Variants in RABGAP1L observed in about 807,000 individuals in gnomAD.
RABGAP1L encodes the protein RAB GTPase activating protein 1 like, also known as rab GTPase-activating protein 1-like.
In RABGAP1L, 63 loss-of-function variants were observed where a neutral mutation model predicts 137.7. The ratio of observed to expected loss-of-function variants is 0.46; its 90% CI spans 0.37 to 0.56. The LOEUF (loss-of-function observed/expected upper bound fraction) is 0.56. Ranked by LOEUF, RABGAP1L falls within the 20% of genes least tolerant of loss-of-function variation. The probability of loss-of-function intolerance (pLI) is 0.00; values close to 1 mark genes in which losing one functional copy is unlikely to be tolerated. For missense variants in RABGAP1L, 1,095 were observed against 1,244.0 expected, an observed-to-expected ratio of 0.88 and a Z score of 1.80; for synonymous variants, 431 against 433.7, an observed-to-expected ratio of 0.99 and a Z score of 0.08.
intron 17 of RABGAP1L, among the ~76,000 whole-genome samples, chr1:174,743,486 C>T (rs1683616604): frequency 6.6e-6 from 1 of 152,130 alleles, no homozygotes; most frequent in East Asian, 1.9e-4. Context: ...AATTTGATTT[C>T]CTTATCTCAT....
intron 13 of RABGAP1L, among the ~76,000 whole-genome samples, chr1:174,496,660 A>G (rs192182060): frequency 2.8e-4 from 42 of 152,334 alleles, no homozygotes; most frequent in Non-Finnish European, 5.9e-5. Context: ...AAGGCAACCA[A>G]TTGCCTGACC....
chr1:174,301,050 T>G (rs997033836), intron 10 of RABGAP1L, among the ~76,000 whole-genome samples: 16 of 152,070 alleles, frequency 1.1e-4, no homozygotes, highest in Non-Finnish European at 1.8e-4. Flanking sequence ...GGCCTGCCAG[T>G]TCATGCCCGG....
chr1:174,586,597 A>G (rs938476387), intron 13 of RABGAP1L, among the ~76,000 whole-genome samples: 3 of 152,064 alleles, frequency 2.0e-5, no homozygotes, highest in Non-Finnish European at 4.4e-5. Context: ...ATATGTATGT[A>G]TGTATGTATT....
At chr1:174,554,041 C>T (rs967452450) in intron 13 of RABGAP1L, among the ~76,000 whole-genome samples, 1 of 152,090 alleles carries the variant, frequency 6.6e-6, no homozygotes, top group African/African-American at 2.4e-5. Flanking sequence ...AATATTCCTC[C>T]TCTTCAAGAT....
intron 1 of RABGAP1L, among the ~76,000 whole-genome samples, chr1:174,198,242 T>G (rs1667842574): frequency 6.6e-6 from 1 of 152,236 alleles, no homozygotes; most frequent in Non-Finnish European, 1.5e-5. Context: ...GCTGTAATGA[T>G]AAAAATGTCC....
chr1:174,413,690 A>G (rs1650206664), intron 13 of RABGAP1L, among the ~76,000 whole-genome samples: 1 of 151,674 alleles, frequency 6.6e-6, no homozygotes, highest in African/African-American at 2.4e-5. Flanking sequence ...TCTATGGGTG[A>G]GACTGCAGAG....
At chr1:174,310,985 T>G (rs1162822291) in intron 11 of RABGAP1L, among the ~76,000 whole-genome samples, 1 of 152,130 alleles carries the variant, frequency 6.6e-6, no homozygotes, top group Non-Finnish European at 1.5e-5. Flanking sequence ...TGTCAAATAC[T>G]AGGTCTTATT....
intron 13 of RABGAP1L, among the ~76,000 whole-genome samples, chr1:174,473,377 T>C (rs192369498): frequency 1.3e-5 from 2 of 152,268 alleles, no homozygotes; most frequent in Non-Finnish European, 2.9e-5. Context: ...AAAGAGATTT[T>C]TAAAGCATCT....
At chr1:174,369,545 A>T (rs28628056) in intron 11 of RABGAP1L, among the ~76,000 whole-genome samples, 53,563 of 152,098 alleles carry the variant, frequency 0.35, 12,091 homozygotes, top group African/African-American at 0.64. Context: ...ATAAAAAATT[A>T]TAAATGTTAT....
At chr1:174,669,628 T>C (rs1408119417) in intron 14 of RABGAP1L, among the ~76,000 whole-genome samples, 1 of 152,214 alleles carries the variant, frequency 6.6e-6, no homozygotes, top group African/African-American at 2.4e-5. Flanking sequence ...TCTTAACATC[T>C]TTAATCCATT....
intron 13 of RABGAP1L, among the ~76,000 whole-genome samples, chr1:174,628,179 T>C (rs1673061689): frequency 6.6e-6 from 1 of 152,164 alleles, no homozygotes. Context: ...TTGTTCACTG[T>C]TGCTTTTATG....
At chr1:174,610,904 T>G (rs1362027017) in intron 13 of RABGAP1L, among the ~76,000 whole-genome samples, 1 of 152,110 alleles carries the variant, frequency 6.6e-6, no homozygotes, top group African/African-American at 2.4e-5. Context: ...ATGGGGTTGT[T>G]TGTTTTTTTC....
intron 19 of RABGAP1L, among the ~76,000 whole-genome samples, chr1:174,832,484 C>G (rs944975873): frequency 7.4e-5 from 11 of 147,864 alleles, no homozygotes; most frequent in African/African-American, 2.7e-4. Context: ...ATGTTCCCCA[C>G]TATTCTAGAT....
chr1:174,432,324 C>T (rs1281125217), intron 13 of RABGAP1L, among the ~76,000 whole-genome samples: 2 of 152,104 alleles, frequency 1.3e-5, no homozygotes, highest in Non-Finnish European at 2.9e-5. Context: ...CGCATGTTGT[C>T]TGTGTACCAC....
intron 13 of RABGAP1L, among the ~76,000 whole-genome samples, chr1:174,507,722 C>T (rs1661959157): frequency 1.3e-5 from 2 of 152,026 alleles, no homozygotes; most frequent in Non-Finnish European, 2.9e-5. Flanking sequence ...TGAATTGGCT[C>T]AAAGTGAATC....
chr1:174,590,001 A>C (rs890076989), intron 13 of RABGAP1L, among the ~76,000 whole-genome samples: 1 of 152,022 alleles, frequency 6.6e-6, no homozygotes, highest in Non-Finnish European at 1.5e-5. Flanking sequence ...GTGAAGAATG[A>C]GATTGATACT....
chr1:174,967,159 CTT>C (rs1669704892), intron 20 of RABGAP1L, among the ~76,000 whole-genome samples: 1 of 149,884 alleles, frequency 6.7e-6, no homozygotes, highest in Non-Finnish European at 1.5e-5. Flanking sequence ...ATTATATTTT[CTT>C]TCTTTCTTTT....
intron 13 of RABGAP1L, among the ~76,000 whole-genome samples, chr1:174,599,437 T>C (rs904146042): frequency 1.3e-5 from 2 of 152,250 alleles, no homozygotes; most frequent in Non-Finnish European, 2.9e-5. Context: ...CAGTGAGTTT[T>C]GGACCTCCAG....
chr1:174,519,708 T>C (rs1558303805), intron 13 of RABGAP1L, among the ~76,000 whole-genome samples: 1 of 152,220 alleles, frequency 6.6e-6, no homozygotes, highest in Non-Finnish European at 1.5e-5. Flanking sequence ...GAATAAAGAA[T>C]ACATGGTACA....
Sources: allele counts gnomAD v4.1 joint callset (sites outside exome capture counted in the v4.1 genomes callset), GRCh38; gene constraint gnomAD v4.1.1; transcripts MANE v1.5; gene names NCBI Gene and HGNC (gene_info 2026-07-23, HGNC 2026-07-21).